The following SBF2 variants were observed in gnomAD, a reference collection of about 807,000 sequenced individuals.
SBF2 encodes the protein myotubularin-related protein 13.
Under a neutral mutation model 225.2 loss-of-function variants are expected in SBF2, and 112 were observed. That is an observed-to-expected ratio of 0.50 (90% CI 0.43 to 0.58). The LOEUF is 0.58. SBF2 is among the 20% of genes least tolerant of loss of function. The probability of loss-of-function intolerance (pLI) is 0.00; values close to 1 mark genes in which losing one functional copy is unlikely to be tolerated. For missense variants in SBF2, 1,996 were observed against 2,206.2 expected (o/e 0.90, Z 1.91); for synonymous variants, 763 against 773.3 (o/e 0.99, Z 0.22).
chr11:9,900,902 A>G (rs1027767948), intron 16 of SBF2, among the ~76,000 whole-genome samples: 1 of 151,934 alleles, frequency 6.6e-6, no homozygotes, highest in Admixed American at 6.6e-5. Context: ...GCACCCAGCT[A>G]ATTTTTAATT....
At chr11:9,942,899 GAGAGAA>G (rs1450353348) in intron 16 of SBF2, among the ~76,000 whole-genome samples, 1 of 60,608 alleles carries the variant, frequency 1.6e-5, no homozygotes, top group Admixed American at 2.4e-4. Flanking sequence ...GAAAGAGAGA[GAGAGAA>G]AGAAAGAAAG....
At chr11:9,971,742 G>T (rs1946468419) in intron 13 of SBF2, among the ~76,000 whole-genome samples, 1 of 152,132 alleles carries the variant, frequency 6.6e-6, no homozygotes, top group African/African-American at 2.4e-5. Context: ...AATCTCTAAA[G>T]AGTTGGTCCT....
chr11:10,044,453 T>C (rs1286068612), intron 2 of SBF2: 2 of 158,092 alleles, frequency 1.3e-5, no homozygotes, highest in Non-Finnish European at 2.8e-5. Flanking sequence ...AATAAGCAAA[T>C]GATATAATAA....
Position 9,993,087 on chromosome 11 carries a change from G to A in SBF2, c.1070C>T (p.Ala357Val), listed in dbSNP as rs760315175. Reference protein sequence around the residue: ...HSKMLDKEVRAVFLRLFAQLF... With the variant: ...HSKMLDKEVRVVFLRLFAQLF... ...TTGTGCAAATAATCTAAGGAAAACG[G>A]CTCGCACCTCTTTATCCTAAAAATA... Residue 357 changes from alanine to valine, a missense_variant, in exon 11 of 40, where the codon GCC (alanine) becomes GTC (valine). Ala to Val is a moderately conservative substitution (Grantham distance 64). Coordinates refer to ENST00000256190, the MANE Select transcript of SBF2 (RefSeq NM_030962.4). The A allele has an allele frequency of 1.2e-6, 2 of 1,610,328 alleles. No individual in the cohort carries two copies. Among genetic ancestry groups the A allele is most frequent in the African/African-American group, 2.7e-5 (2 of 74,970 alleles).
chr11:10,230,588 A>G (rs966719565), intron 1 of SBF2, among the ~76,000 whole-genome samples: 2 of 152,196 alleles, frequency 1.3e-5, no homozygotes, highest in African/African-American at 4.8e-5. Flanking sequence ...TTGGCTGGAT[A>G]TGAAATTCTG....
intron 31 of SBF2, 175 bp downstream of exon 31, chr11:9,808,726 G>T (rs948447583): frequency 1.7e-5 from 9 of 545,418 alleles, no homozygotes; most frequent in Non-Finnish European, 3.0e-5. Context: ...GGCTGCGTAG[G>T]GGCTAAGAGC....
At chr11:10,062,608 T>A (rs553922777) in intron 2 of SBF2, among the ~76,000 whole-genome samples, 19 of 152,278 alleles carry the variant, frequency 1.2e-4, no homozygotes, top group African/African-American at 4.6e-4. Context: ...TCACTGATCA[T>A]TAGAGAAATG....
chr11:10,281,983 T>G (rs1235599067), intron 1 of SBF2, among the ~76,000 whole-genome samples: 1 of 152,154 alleles, frequency 6.6e-6, no homozygotes, highest in Admixed American at 6.6e-5. Context: ...TAAAAAGAAA[T>G]GAAACAAACT....
chr11:10,174,036 G>C (rs1315712501), intron 2 of SBF2, among the ~76,000 whole-genome samples: 1 of 151,384 alleles, frequency 6.6e-6, no homozygotes, highest in Non-Finnish European at 1.5e-5. Context: ...AAGACCAAAA[G>C]TAGAAAAAAC....
chr11:10,216,378 C>T (rs1031690813), intron 1 of SBF2, among the ~76,000 whole-genome samples: 6 of 152,256 alleles, frequency 3.9e-5, no homozygotes, highest in South Asian at 2.1e-4. Flanking sequence ...AGAAAAAATG[C>T]GTCTATTCCT....
intron 2 of SBF2, among the ~76,000 whole-genome samples, chr11:10,092,711 CAT>C (rs969010377): frequency 2.8e-4 from 43 of 152,174 alleles, no homozygotes; most frequent in African/African-American, 9.4e-4. Context: ...AGGAAGAGAA[CAT>C]CCATTAATGC....
At chr11:10,193,249 A>G (rs567442734) in intron 2 of SBF2, among the ~76,000 whole-genome samples, 144 of 150,944 alleles carry the variant, frequency 9.5e-4, no homozygotes, top group Non-Finnish European at 1.4e-3. Context: ...AGGAAAAAAA[A>G]AATATATATA....
At chr11:10,242,494 C>T (rs1959318336) in intron 1 of SBF2, among the ~76,000 whole-genome samples, 1 of 151,972 alleles carries the variant, frequency 6.6e-6, no homozygotes, top group African/African-American at 2.4e-5. Context: ...GGCAATAGTT[C>T]TTATCTATCA....
chr11:10,151,176 C>T (rs1489010423), intron 2 of SBF2, among the ~76,000 whole-genome samples: 2 of 152,206 alleles, frequency 1.3e-5, no homozygotes, highest in African/African-American at 4.8e-5. Context: ...TCTATGCATA[C>T]ATACACAATA....
chr11:9,785,936 G>T (rs183670685), intron 36 of SBF2, among the ~76,000 whole-genome samples: 1 of 152,056 alleles, frequency 6.6e-6, no homozygotes, highest in Admixed American at 6.5e-5. Flanking sequence ...GCATGATCTC[G>T]GCTTACTGCA....
At chr11:10,045,126 G>A (rs908359662) in intron 2 of SBF2, among the ~76,000 whole-genome samples, 2 of 151,648 alleles carry the variant, frequency 1.3e-5, no homozygotes, top group Non-Finnish European at 1.5e-5. Context: ...TGGACTCAAG[G>A]AACACAAAAA....
intron 32 of SBF2, among the ~76,000 whole-genome samples, chr11:9,804,042 T>C (rs773169974): frequency 3.3e-5 from 5 of 152,080 alleles, no homozygotes; most frequent in Non-Finnish European, 7.4e-5. Context: ...TGGAAGTCTA[T>C]GGAGGCAGGA....
intron 14 of SBF2, 134 bp from the exon 15 acceptor site, chr11:9,964,016 T>G (rs1219008069): frequency 4.7e-6 from 3 of 635,046 alleles, no homozygotes; most frequent in East Asian, 2.8e-5. Flanking sequence ...TTTGGGAGGC[T>G]GAGGTGGGAT....
At chr11:10,247,779 C>G (rs972751546) in intron 1 of SBF2, among the ~76,000 whole-genome samples, 4 of 152,146 alleles carry the variant, frequency 2.6e-5, no homozygotes, top group Admixed American at 2.0e-4. Flanking sequence ...AACAATCATC[C>G]TCCTCACAGG....
Sources: allele counts gnomAD v4.1 joint callset (sites outside exome capture counted in the v4.1 genomes callset), GRCh38; gene constraint gnomAD v4.1.1; transcripts MANE v1.5; gene names NCBI Gene and HGNC (gene_info 2026-07-23, HGNC 2026-07-21).